LDLRAD3: variants seen among roughly 807,000 people sequenced by gnomAD.
LDLRAD3 encodes the protein low-density lipoprotein receptor class A domain-containing protein 3.
In LDLRAD3, 20 loss-of-function variants were observed where a neutral mutation model predicts 29.4. That is an observed-to-expected ratio of 0.68 (90% CI 0.48 to 0.99). The LOEUF is 0.99. LDLRAD3 is among the 50% of genes least tolerant of loss of function. The probability of loss-of-function intolerance (pLI) is 0.00; values close to 1 mark genes in which losing one functional copy is unlikely to be tolerated. For synonymous variants in LDLRAD3, 157 were observed against 192.7 expected (o/e 0.81, Z 1.53); for missense variants, 420 against 454.3 (o/e 0.92, Z 0.69).
At chr11:36,137,929 C>A (rs1018362604) in intron 4 of LDLRAD3, among the ~76,000 whole-genome samples, 9 of 152,238 alleles carry the variant, frequency 5.9e-5, no homozygotes, top group Middle Eastern at 3.4e-3. Flanking sequence ...CAGCTGTGCT[C>A]ATTATTTTTT....
intron 3 of LDLRAD3, among the ~76,000 whole-genome samples, chr11:36,089,609 A>G (rs1275955542): frequency 6.6e-6 from 1 of 151,762 alleles, no homozygotes; most frequent in African/African-American, 2.4e-5. Context: ...TGCCCAATAC[A>G]TATGTTTTAG....
chr11:36,143,423 C>T (rs771900801), intron 4 of LDLRAD3, among the ~76,000 whole-genome samples: 1 of 152,198 alleles, frequency 6.6e-6, no homozygotes, highest in African/African-American at 2.4e-5. Context: ...CGGTTCAGGG[C>T]GGACCTTCTT....
chr11:36,038,848 C>T (rs188279729), intron 2 of LDLRAD3, among the ~76,000 whole-genome samples: 226 of 152,312 alleles, frequency 1.5e-3, no homozygotes, highest in African/African-American at 4.8e-3. Flanking sequence ...TAACCTCTCT[C>T]TGTAGCCCTT....
At chr11:36,196,676 G>T (rs573565731) in intron 4 of LDLRAD3, 2 of 152,194 alleles carry the variant, frequency 1.3e-5, no homozygotes. Flanking sequence ...GCTGGTACAC[G>T]CAGTCCTAAT....
chr11:36,152,556 A>T lies in LDLRAD3; in HGVS notation c.454+54095A>T, dbSNP rs142815867. Among the ~76,000 whole-genome samples, 193 of 152,296 alleles carry T rather than the reference A, an allele frequency of 1.3e-3. 2 individuals carry two copies. In the East Asian group the frequency reaches 0.014, roughly 11 times the overall value. On this transcript the variant is annotated intron_variant, in intron 4 of 5. Coordinates refer to ENST00000315571, the MANE Select transcript of LDLRAD3 (RefSeq NM_174902.4). ...GTCCCTATTCACTCCCACCAAAAAAATCCTCCATATAGTCTGTTTTACAAA... is the reference window on the plus strand; with the variant it reads ...GTCCCTATTCACTCCCACCAAAAAATTCCTCCATATAGTCTGTTTTACAAA...
chr11:36,069,947 C>A (rs1353589971), intron 2 of LDLRAD3, among the ~76,000 whole-genome samples: 2 of 152,196 alleles, frequency 1.3e-5, no homozygotes, highest in Non-Finnish European at 2.9e-5. Flanking sequence ...TCCGCCTAGA[C>A]CGTGGCCGAC....
At chr11:36,025,169 G>A (rs1478306054) in intron 1 of LDLRAD3, among the ~76,000 whole-genome samples, 5 of 152,026 alleles carry the variant, frequency 3.3e-5, no homozygotes, top group Non-Finnish European at 5.9e-5. Context: ...GTAGTTGGTG[G>A]GGTTTTTGAA....
At chr11:36,011,397 T>C (rs1020237343) in intron 1 of LDLRAD3, among the ~76,000 whole-genome samples, 3 of 152,102 alleles carry the variant, frequency 2.0e-5, no homozygotes, top group Non-Finnish European at 4.4e-5. Context: ...AATATAAATA[T>C]CTTGTTCCAT....
intron 1 of LDLRAD3, among the ~76,000 whole-genome samples, chr11:36,024,720 A>G (rs1222892075): frequency 7.2e-5 from 11 of 152,286 alleles, no homozygotes; most frequent in Admixed American, 5.9e-4. Context: ...CTTAGTTGCA[A>G]AAGCCAGGGG....
intron 1 of LDLRAD3, among the ~76,000 whole-genome samples, chr11:35,985,151 G>A (rs1379540086): frequency 2.6e-5 from 4 of 151,974 alleles, no homozygotes; most frequent in African/African-American, 7.3e-5. Flanking sequence ...GGCTGATCTC[G>A]AACTCCTGGC....
In LDLRAD3 at chr11:35,960,837, C is replaced by T. The variant is rs185323775; in HGVS notation, c.46+16693C>T. Among the ~76,000 whole-genome samples, 169 of 152,244 alleles carry T rather than the reference C, an allele frequency of 1.1e-3. 1 individual carries two copies. Among genetic ancestry groups the T allele is most frequent in the Non-Finnish European group, 9.1e-4 (62 of 68,002 alleles). On this transcript the variant is annotated intron_variant, in intron 1 of 5. Coordinates refer to ENST00000315571, the MANE Select transcript of LDLRAD3 (RefSeq NM_174902.4). ...GTCTTGAACTCCTGACCTCATGATC[C>T]GCCCGCCTCGCCTCCCAAAGTGCTG...
At chr11:36,162,636 G>A (rs1854459367) in intron 4 of LDLRAD3, among the ~76,000 whole-genome samples, 1 of 152,196 alleles carries the variant, frequency 6.6e-6, no homozygotes, top group African/African-American at 2.4e-5. Context: ...GAATGAAGCA[G>A]AGCCTTAGCC....
chr11:36,180,720 C>T (rs1230559421), intron 4 of LDLRAD3, among the ~76,000 whole-genome samples: 1 of 151,196 alleles, frequency 6.6e-6, no homozygotes, highest in African/African-American at 2.4e-5. Flanking sequence ...CATGAGGAAG[C>T]AGATGGGAGA....
At chr11:35,999,809 G>A (rs1474749677) in intron 1 of LDLRAD3, among the ~76,000 whole-genome samples, 1 of 152,152 alleles carries the variant, frequency 6.6e-6, no homozygotes, top group African/African-American at 2.4e-5. Context: ...AGGGATGATG[G>A]TGACCTACTC....
intron 1 of LDLRAD3, among the ~76,000 whole-genome samples, chr11:35,954,200 A>G (rs1851173041): frequency 6.6e-6 from 1 of 152,214 alleles, no homozygotes; most frequent in South Asian, 2.1e-4. Flanking sequence ...AATAGGGTTC[A>G]GTTTTTGAAT....
chr11:36,146,982 G>A (rs1008409805), intron 4 of LDLRAD3, among the ~76,000 whole-genome samples: 1 of 151,168 alleles, frequency 6.6e-6, no homozygotes, highest in South Asian at 2.1e-4. Context: ...TAGAGACAGG[G>A]TTTCACCGTG....
chr11:36,064,034 T>G (rs571171363), intron 2 of LDLRAD3, among the ~76,000 whole-genome samples: 1 of 152,304 alleles, frequency 6.6e-6, no homozygotes, highest in South Asian at 2.1e-4. Flanking sequence ...TTTAAGTCTT[T>G]CAATTTTTGA....
intron 4 of LDLRAD3, among the ~76,000 whole-genome samples, chr11:36,156,807 G>A (rs531563260): frequency 1.3e-5 from 2 of 152,228 alleles, no homozygotes; most frequent in South Asian, 2.1e-4. Context: ...TAACATTTCA[G>A]AAGGCAACAT....
rs1565176450 is a variant in LDLRAD3 at position 36,036,208 on chromosome 11, G to A, written c.152G>A (p.Gly51Glu). The A allele has an allele frequency of 6.2e-7, 1 of 1,614,044 alleles. No individual in the cohort carries two copies. Among genetic ancestry groups the A allele is most frequent in the Non-Finnish European group, 8.5e-7 (1 of 1,180,040 alleles). Reference sequence around the variant, plus strand: ...ATCCCGGGCGCCTGGCAGTGTGACGGGCTGCCTGACTGCTTCGACAAGAGT... The same window carrying A: ...ATCCCGGGCGCCTGGCAGTGTGACGAGCTGCCTGACTGCTTCGACAAGAGT... The part of the protein sequence containing the change: ...RCIPGAWQCD[G>E]LPDCFDKSDE... Residue 51 changes from glycine (G) to glutamate (E), a missense_variant, in exon 2 of 6, where the codon GGG (glycine) becomes GAG (glutamate). Around this residue, in one of 3 missense-constraint regions of LDLRAD3, gnomAD observed 224 missense variants for 222.2 expected, o/e 1.01. Coordinates refer to ENST00000315571, the MANE Select transcript of LDLRAD3 (RefSeq NM_174902.4).
Sources: gnomAD v4.1 joint callset for allele counts (sites outside exome capture counted in the v4.1 genomes callset) on GRCh38, gnomAD v4.1.1 for gene constraint, gnomAD v4.1.1 regional missense constraint, MANE v1.5 for transcripts, NCBI Gene and HGNC (gene_info 2026-07-23, HGNC 2026-07-21) for gene names.